The following STRN3 variants were observed in gnomAD, a reference collection of about 807,000 sequenced individuals.
STRN3 encodes striatin-3.
In STRN3, 29 loss-of-function variants were observed where a neutral mutation model predicts 95.6. The ratio of observed to expected loss-of-function variants is 0.30; its 90% CI spans 0.23 to 0.41. The LOEUF (loss-of-function observed/expected upper bound fraction) is 0.41, where lower values mean the gene tolerates loss of function less well. Among genes scored for constraint, STRN3 ranks in the 10% least tolerant of loss-of-function variants. STRN3 has a pLI of 1.00. For synonymous variants in STRN3, 331 were observed against 357.6 expected, an observed-to-expected ratio of 0.93 and a Z score of 0.84; for missense variants, 890 against 972.1, an observed-to-expected ratio of 0.92 and a Z score of 1.12.
At chr14:31,024,762 A>G (rs191851179) in intron 1 of STRN3, among the ~76,000 whole-genome samples, 26 of 152,302 alleles carry the variant, frequency 1.7e-4, no homozygotes, top group African/African-American at 6.0e-4. Flanking sequence ...ATGACAGCAA[A>G]TACTGCTTAC....
At chr14:30,896,853 G>C (rs369316707) in intron 16 of STRN3, among the ~76,000 whole-genome samples, 1 of 152,244 alleles carries the variant, frequency 6.6e-6, no homozygotes, top group Non-Finnish European at 1.5e-5. Flanking sequence ...TGAAGATTTG[G>C]CAAGCAAATG....
chr14:30,943,346 G>C (rs1879184735), intron 5 of STRN3, among the ~76,000 whole-genome samples: 1 of 152,158 alleles, frequency 6.6e-6, no homozygotes, highest in Admixed American at 6.6e-5. Context: ...ACTTTAGGAG[G>C]CTGAGGCAGG....
intron 9 of STRN3, among the ~76,000 whole-genome samples, chr14:30,917,224 T>C (rs1468617303): frequency 6.6e-6 from 1 of 152,186 alleles, no homozygotes; most frequent in Non-Finnish European, 1.5e-5. Flanking sequence ...TTCACACTTA[T>C]CAAATCTCTC....
chr14:30,924,750 G>A (rs77362506), intron 8 of STRN3, among the ~76,000 whole-genome samples: 1,907 of 152,180 alleles, frequency 0.013, 44 homozygotes, highest in African/African-American at 0.042. Context: ...CCAGCAAGGC[G>A]GGAGTGGAAA....
intron 13 of STRN3, among the ~76,000 whole-genome samples, chr14:30,908,417 A>C (rs17097490): frequency 0.012 from 1,896 of 152,268 alleles, 89 homozygotes; most frequent in Admixed American, 0.08. Flanking sequence ...ATGATACAAA[A>C]CATTTTGTTG....
intron 1 of STRN3, chr14:31,025,381 A>C (rs886664055): frequency 1.8e-5 from 3 of 166,590 alleles, no homozygotes; most frequent in African/African-American, 7.4e-5. Flanking sequence ...GCAGCCCAGG[A>C]AAGAAGCGTG....
intron 1 of STRN3, among the ~76,000 whole-genome samples, chr14:30,982,831 T>A (rs1016561150): frequency 6.6e-6 from 1 of 152,082 alleles, no homozygotes; most frequent in Non-Finnish European, 1.5e-5. Flanking sequence ...GTGGTGCCGA[T>A]CATAGTACCT....
At chr14:31,008,369 G>A (rs1313450931) in intron 1 of STRN3, among the ~76,000 whole-genome samples, 2 of 150,446 alleles carry the variant, frequency 1.3e-5, no homozygotes, top group African/African-American at 2.4e-5. Flanking sequence ...CTAGCTGGGC[G>A]TGGGAGTACA....
rs74040954 is a variant in STRN3, at chr14:30,930,866, T to G, written c.989-1555A>C. ...CTTAATGAAGTTAATAATTCTTAAT[T>G]TCAACTACTTAAAGCAAGACAAATT... On this transcript the variant is annotated intron_variant, in intron 7 of 17. Coordinates refer to ENST00000357479, the MANE Select transcript of STRN3 (RefSeq NM_001083893.2). Among the ~76,000 whole-genome samples the G allele has an allele frequency of 3.8e-3, 577 of 152,234 alleles. 2 individuals are homozygous for G. Among genetic ancestry groups the G allele is most frequent in the African/African-American group, 0.013 (542 of 41,556 alleles).
intron 13 of STRN3, among the ~76,000 whole-genome samples, chr14:30,910,269 ATCT>A (rs1283372252): frequency 3.3e-5 from 5 of 152,202 alleles, no homozygotes; most frequent in Admixed American, 3.3e-4. Flanking sequence ...ACAGTACTCT[ATCT>A]TCTTATCATT....
chr14:31,004,505 G>A (rs1882625810), intron 1 of STRN3, among the ~76,000 whole-genome samples: 1 of 152,126 alleles, frequency 6.6e-6, no homozygotes, highest in Non-Finnish European at 1.5e-5. Context: ...TGGGCCTGAT[G>A]GCTCACACCT....
intron 1 of STRN3, among the ~76,000 whole-genome samples, chr14:30,977,794 GA>G (rs869303485): frequency 0.8 from 88,672 of 110,632 alleles, 34,373 homozygotes; most frequent in Middle Eastern, 0.87. Context: ...ACTCTATCTC[GA>G]AAAAAAAAAA....
intron 1 of STRN3, among the ~76,000 whole-genome samples, chr14:31,020,784 T>C (rs148368745): frequency 2.3e-4 from 35 of 152,208 alleles, no homozygotes; most frequent in African/African-American, 4.1e-4. Flanking sequence ...TCCATGTCTG[T>C]AGTCCCACCT....
At chr14:30,978,062 G>C (rs1473164898) in intron 1 of STRN3, among the ~76,000 whole-genome samples, 2 of 152,048 alleles carry the variant, frequency 1.3e-5, no homozygotes, top group Admixed American at 1.3e-4. Flanking sequence ...ATGGGCTCTA[G>C]GGTGAATTCT....
intron 16 of STRN3, 53 bp from the exon 17 acceptor site, chr14:30,895,801 G>T: frequency 6.7e-7 from 1 of 1,485,398 alleles, no homozygotes; most frequent in Non-Finnish European, 9.2e-7. Context: ...ACTAACTCGA[G>T]ACAACAGAAA....
At chr14:30,966,706 C>T (rs1880528676) in intron 1 of STRN3, among the ~76,000 whole-genome samples, 1 of 152,302 alleles carries the variant, frequency 6.6e-6, no homozygotes, top group South Asian at 2.1e-4. Flanking sequence ...GAATGATCAT[C>T]AACAACCCTG....
rs138727193 is a variant in STRN3 at position 31,002,986 on chromosome 14, G to A, written c.282+22918C>T. On this transcript the variant is annotated intron_variant, in intron 1 of 17. Coordinates refer to ENST00000357479, the MANE Select transcript of STRN3 (RefSeq NM_001083893.2). ...CTTTGAAAATGGTTAAGATGAGGCCGGGCACGGTGGCTCATGCCTGTAATC... is the reference window on the plus strand; with the variant it reads ...CTTTGAAAATGGTTAAGATGAGGCCAGGCACGGTGGCTCATGCCTGTAATC... 1.1e-3 allele frequency among the ~76,000 whole-genome samples: 172 copies of A among 152,194 alleles called. 1 individual carries two copies. The East Asian group carries it at 0.013, about 12-fold the overall frequency.
chr14:30,912,380 C>A, intron 10 of STRN3, 198 bp from the exon 11 acceptor site: 1 of 436,970 alleles, frequency 2.3e-6, no homozygotes, highest in Non-Finnish European at 3.9e-6. Context: ...TAATTTCATT[C>A]GCCTTACAAA....
intron 1 of STRN3, among the ~76,000 whole-genome samples, chr14:31,007,750 A>T (rs179711): frequency 0.64 from 96,576 of 151,778 alleles, 31,725 homozygotes; most frequent in Non-Finnish European, 0.73. Flanking sequence ...AAAATAAAAA[A>T]AAAAAAACAG....
Sources: allele counts gnomAD v4.1 joint callset (sites outside exome capture counted in the v4.1 genomes callset), GRCh38; gene constraint gnomAD v4.1.1; transcripts MANE v1.5; gene names NCBI Gene and HGNC (gene_info 2026-07-23, HGNC 2026-07-21).